The following GALNT13 variants were observed in gnomAD, a reference collection of about 807,000 sequenced individuals.
The protein encoded by GALNT13 is UDP-GalNAc:polypeptide N-acetylgalactosaminyltransferase 13.
A neutral mutation model predicts 64.2 loss-of-function variants in GALNT13; 28 were observed. That is an observed-to-expected ratio of 0.44 (90% confidence interval 0.32 to 0.60). The LOEUF (loss-of-function observed/expected upper bound fraction) is 0.60. Among genes scored for constraint, GALNT13 ranks in the 20% least tolerant of loss-of-function variants. The probability of loss-of-function intolerance (pLI) is 0.05; values close to 1 mark genes in which losing one functional copy is unlikely to be tolerated. For missense variants in GALNT13, 577 were observed against 669.8 expected (o/e 0.86, Z 1.53); for synonymous variants, 214 against 224.6 (o/e 0.95, Z 0.42).
intron 8 of GALNT13, among the ~76,000 whole-genome samples, chr2:154,295,750 A>G (rs1692886365): frequency 6.6e-6 from 1 of 151,992 alleles, no homozygotes; most frequent in South Asian, 2.1e-4. Flanking sequence ...TTCTCTCCCT[A>G]GGCCCATGAT....
At chr2:153,355,495 T>G in the GALNT13 span, among the ~76,000 whole-genome samples, 1 of 152,298 alleles carries the variant, frequency 6.6e-6, no homozygotes, top group Admixed American at 6.5e-5. Flanking sequence ...TGTTTCTGTT[T>G]GTGAACCCAG....
At chr2:153,784,523 T>C in the GALNT13 span, among the ~76,000 whole-genome samples, 2 of 152,188 alleles carry the variant, frequency 1.3e-5, no homozygotes, top group African/African-American at 4.8e-5. Context: ...TGCTAGGCCG[T>C]CAAAACAACT....
chr2:153,581,733 T>C, the GALNT13 span, among the ~76,000 whole-genome samples: 3 of 152,240 alleles, frequency 2.0e-5, no homozygotes, highest in East Asian at 1.9e-4. Context: ...TAAAGATTTA[T>C]TGATGTCTTA....
At chr2:154,403,883 A>G (rs1699410895) in intron 10 of GALNT13, among the ~76,000 whole-genome samples, 1 of 152,154 alleles carries the variant, frequency 6.6e-6, no homozygotes, top group Admixed American at 6.5e-5. Flanking sequence ...ACTCCATAGA[A>G]TACCTTTACG....
the GALNT13 span, among the ~76,000 whole-genome samples, chr2:153,260,069 A>G: frequency 6.6e-6 from 1 of 152,150 alleles, no homozygotes. Flanking sequence ...GCATAAGCAA[A>G]CAAGCAATAA....
the GALNT13 span, among the ~76,000 whole-genome samples, chr2:153,742,955 G>A: frequency 7.3e-6 from 1 of 137,882 alleles, no homozygotes; most frequent in African/African-American, 2.7e-5. Context: ...GAGGTGAGAG[G>A]AGCGGAGGGG....
the GALNT13 span, among the ~76,000 whole-genome samples, chr2:153,789,596 G>T: frequency 4.8e-4 from 73 of 152,172 alleles, 2 homozygotes; most frequent in South Asian, 0.015. Flanking sequence ...CCAAATCAGA[G>T]TTGAACTGAA....
At chr2:154,274,943 G>C (rs1311746707) in intron 8 of GALNT13, among the ~76,000 whole-genome samples, 1 of 152,116 alleles carries the variant, frequency 6.6e-6, no homozygotes, top group African/African-American at 2.4e-5. Context: ...ACAAAGTCCA[G>C]GCTGAGGTGG....
the GALNT13 span, among the ~76,000 whole-genome samples, chr2:153,431,535 T>A: frequency 1.3e-5 from 2 of 152,204 alleles, no homozygotes; most frequent in Non-Finnish European, 2.9e-5. Flanking sequence ...GTTTTGCCCC[T>A]TGGTTCTCGA....
At chr2:153,138,730 T>C in the GALNT13 span, among the ~76,000 whole-genome samples, 1 of 152,098 alleles carries the variant, frequency 6.6e-6, no homozygotes, top group Non-Finnish European at 1.5e-5. Context: ...AATATCTTCT[T>C]CTCCCTTGCA....
intron 11 of GALNT13, among the ~76,000 whole-genome samples, chr2:154,417,282 C>CA (rs35825821): frequency 0.21 from 15,928 of 74,948 alleles, 1,089 homozygotes; most frequent in Non-Finnish European, 0.24. Flanking sequence ...AAACAAGCAC[C>CA]AAAAAAAAAA....
chr2:154,204,959 G>A (rs1687360644), intron 4 of GALNT13, among the ~76,000 whole-genome samples: 1 of 152,176 alleles, frequency 6.6e-6, no homozygotes, highest in Non-Finnish European at 1.5e-5. Flanking sequence ...TAGCCCTGAT[G>A]GCTAACATAG....
At chr2:153,378,698 T>G in the GALNT13 span, among the ~76,000 whole-genome samples, 1 of 152,150 alleles carries the variant, frequency 6.6e-6, no homozygotes, top group South Asian at 2.1e-4. Flanking sequence ...AGATTATGTT[T>G]TAGTAGCAAC....
In GALNT13 at chr2:154,452,214, T is replaced by C. The variant is rs545139345; in HGVS notation, c.*1663T>C. ...TGTGAATCCGTGAATTTCCTAAAAT[T>C]GTAAGCAAAATGTTGAATATCAGGG... On this transcript the variant is annotated 3_prime_UTR_variant, in exon 13 of 13. Coordinates refer to ENST00000392825, the MANE Select transcript of GALNT13 (RefSeq NM_052917.4). 1 of 152,212 alleles carries C rather than the reference T, an allele frequency of 6.6e-6. No individual in the cohort carries two copies. The highest frequency in any genetic ancestry group is 2.1e-4 in the South Asian group (1 of 4,824). 9.4% of individuals were successfully genotyped at this position (152,212 alleles called of 1,614,324 possible).
intron 3 of GALNT13, among the ~76,000 whole-genome samples, chr2:153,954,730 C>A (rs979647578): frequency 6.6e-6 from 1 of 151,724 alleles, no homozygotes; most frequent in Non-Finnish European, 1.5e-5. Flanking sequence ...TATTATTATA[C>A]CCATTTACAA....
At chr2:154,166,226 G>A (rs1444244397) in intron 4 of GALNT13, among the ~76,000 whole-genome samples, 1 of 152,126 alleles carries the variant, frequency 6.6e-6, no homozygotes, top group African/African-American at 2.4e-5. Flanking sequence ...CCAACATGGT[G>A]AAACCCCATC....
intron 3 of GALNT13, among the ~76,000 whole-genome samples, chr2:154,072,428 A>G (rs747721013): frequency 1.1e-4 from 16 of 152,090 alleles, no homozygotes; most frequent in Non-Finnish European, 1.9e-4. Context: ...TTTAGCTTAT[A>G]GTTTGTTTTT....
chr2:153,933,432 C>T (rs1690671705), intron 2 of GALNT13, among the ~76,000 whole-genome samples: 1 of 152,086 alleles, frequency 6.6e-6, no homozygotes, highest in African/African-American at 2.4e-5. Flanking sequence ...ATTGTCCATA[C>T]CTTTACTTTG....
chr2:154,069,043 A>G (rs1344679895), intron 3 of GALNT13, among the ~76,000 whole-genome samples: 1 of 152,090 alleles, frequency 6.6e-6, no homozygotes, highest in Non-Finnish European at 1.5e-5. Context: ...CTAAATACTC[A>G]GAAAAATATT....
Sources: gnomAD v4.1 joint callset for allele counts (sites outside exome capture counted in the v4.1 genomes callset) on GRCh38, gnomAD v4.1.1 for gene constraint, MANE v1.5 for transcripts, NCBI Gene and HGNC (gene_info 2026-07-23, HGNC 2026-07-21) for gene names.